Variants in SEZ6L observed in about 807,000 individuals in gnomAD.
The protein encoded by SEZ6L is seizure 6-like protein.
A neutral mutation model predicts 106.2 loss-of-function variants in SEZ6L; 37 were observed. The observed-to-expected ratio is 0.35, with a 90% confidence interval of 0.27 to 0.46. SEZ6L has a LOEUF of 0.46. Among genes scored for constraint, SEZ6L ranks in the 20% least tolerant of loss-of-function variants. SEZ6L has a pLI of 1.00. For synonymous variants in SEZ6L, 541 were observed against 570.4 expected (o/e 0.95, Z 0.73); for missense variants, 1,172 against 1,332.8 (o/e 0.88, Z 1.88).
Position 26,169,818 on chromosome 22 carries a change from G to A in SEZ6L, c.94+55G>A, listed in dbSNP as rs988767753. On this transcript the variant is annotated intron_variant, in intron 1 of 16. Transcript: ENST00000248933. ...GGGGCAAAGTTGCCGGGAGAGCGGG[G>A]CAGCCAGGGGTCGGGGCTGACCAGG... The A allele has an allele frequency of 6.6e-6, 6 of 912,978 alleles. No individual in the cohort carries two copies. In the African/African-American group the frequency reaches 6.9e-5, roughly 10 times the overall value. The allele number at this position is 912,978 out of a possible 1,614,324, so 56.6% of individuals were successfully genotyped here.
In SEZ6L at chr22:26,240,320, C is replaced by T. The variant is rs563003856; in HGVS notation, c.95-52086C>T. Among the ~76,000 whole-genome samples, 3 of 152,216 alleles carry T rather than the reference C, an allele frequency of 2.0e-5. No individual in the cohort carries two copies. In the South Asian group the frequency reaches 6.2e-4, roughly 32 times the overall value. The stretch of plus-strand genomic sequence containing the variant: ...AGTCCCATTCATCAGGTACGTCCCA[C>T]ATTCAGGCACCCAAGTCCTGAAAAG... On this transcript the variant is annotated intron_variant, in intron 1 of 16. Transcript: ENST00000248933.
chr22:26,373,388 C>A (rs893889693), intron 13 of SEZ6L, 63 bp from the exon 14 acceptor site: 1 of 1,506,696 alleles, frequency 6.6e-7, no homozygotes, highest in Non-Finnish European at 9.0e-7. Context: ...TTTTTGGCCT[C>A]ATTTCATGCA....
At chr22:26,193,821 G>A (rs1407844127) in intron 1 of SEZ6L, among the ~76,000 whole-genome samples, 2 of 152,172 alleles carry the variant, frequency 1.3e-5, no homozygotes, top group African/African-American at 2.4e-5. Context: ...TCATGGTGAC[G>A]TGTATGCAGT....
intron 12 of SEZ6L, among the ~76,000 whole-genome samples, chr22:26,353,786 C>T (rs989408225): frequency 6.6e-6 from 1 of 151,992 alleles, no homozygotes; most frequent in South Asian, 2.1e-4. Context: ...GCGTCTTTGA[C>T]ATCCTAACCC....
intron 1 of SEZ6L, among the ~76,000 whole-genome samples, chr22:26,225,859 C>T (rs2078619835): frequency 6.6e-6 from 1 of 152,140 alleles, no homozygotes; most frequent in African/African-American, 2.4e-5. Context: ...ACTCAAGATT[C>T]CCCCCATGCC....
intron 15 of SEZ6L, 62 bp downstream of exon 15, chr22:26,375,751 G>A: frequency 7.6e-7 from 1 of 1,307,576 alleles, no homozygotes. Context: ...AGAGGGACTG[G>A]GCGGTTCACC....
At chr22:26,222,842 G>T (rs369799568) in intron 1 of SEZ6L, among the ~76,000 whole-genome samples, 20 of 152,128 alleles carry the variant, frequency 1.3e-4, no homozygotes, top group African/African-American at 4.8e-4. Flanking sequence ...TTCTTAACCA[G>T]GGGCAATTTT....
At chr22:26,315,207 C>T (rs558225412) in intron 9 of SEZ6L, among the ~76,000 whole-genome samples, 4 of 152,242 alleles carry the variant, frequency 2.6e-5, no homozygotes, top group South Asian at 4.1e-4. Flanking sequence ...AGTCTGGGTG[C>T]GGTGGCTCAT....
rs777971751 is a variant in SEZ6L, at chr22:26,365,372, C to T, written c.2600C>T (p.Ser867Leu). 14 of 1,592,322 alleles carry T rather than the reference C, an allele frequency of 8.8e-6. No homozygotes were observed. The highest frequency in any genetic ancestry group is 5.4e-5 in the African/African-American group (4 of 74,310). Residue 867 changes from serine (S) to leucine (L), a missense_variant and splice_region_variant, in exon 13 of 17, where the codon TCG becomes TTG. Around this residue, in one of 4 missense-constraint regions of SEZ6L, gnomAD observed 534 missense variants for 691.0 expected, o/e 0.77. Coordinates refer to ENST00000248933, the MANE Select transcript of SEZ6L (RefSeq NM_021115.5). The stretch of plus-strand genomic sequence containing the variant: ...GAGCTCCTTCTGGCTTGCATTTCAG[C>T]GGAGGAGTCCCTGGCATGTGACAAC... ...IWTSRLPHCV[S>L]EESLACDNPG...
intron 1 of SEZ6L, among the ~76,000 whole-genome samples, chr22:26,236,773 T>A (rs2078969478): frequency 6.6e-6 from 1 of 152,208 alleles, no homozygotes; most frequent in Admixed American, 6.5e-5. Flanking sequence ...TTTTTCTGGC[T>A]TAAAATCAAT....
chr22:26,227,070 A>G (rs773818201), intron 1 of SEZ6L, among the ~76,000 whole-genome samples: 2 of 152,174 alleles, frequency 1.3e-5, no homozygotes, highest in African/African-American at 4.8e-5. Context: ...TACAAGCTCC[A>G]TGAACATGTG....
chr22:26,335,456 T>C (rs1382745579), intron 9 of SEZ6L, among the ~76,000 whole-genome samples: 1 of 152,102 alleles, frequency 6.6e-6, no homozygotes, highest in Non-Finnish European at 1.5e-5. Flanking sequence ...GCATGGGAGG[T>C]AAGGGAATAG....
chr22:26,303,626 T>C (rs891816632), intron 5 of SEZ6L, among the ~76,000 whole-genome samples: 2 of 152,184 alleles, frequency 1.3e-5, no homozygotes, highest in African/African-American at 4.8e-5. Flanking sequence ...TGAACTTCTT[T>C]TTTCCTCTTT....
At chr22:26,321,185 C>T (rs2082143081) in intron 9 of SEZ6L, among the ~76,000 whole-genome samples, 1 of 152,198 alleles carries the variant, frequency 6.6e-6, no homozygotes. Flanking sequence ...CAAGCACATG[C>T]CTTGGGTTCT....
intron 1 of SEZ6L, chr22:26,242,926 C>G (rs1369209790): frequency 6.6e-6 from 1 of 152,188 alleles, no homozygotes; most frequent in Non-Finnish European, 1.5e-5. Context: ...TCTCACTCTT[C>G]TAGAGGCCAA....
At chr22:26,220,150 G>C (rs1471334149) in intron 1 of SEZ6L, among the ~76,000 whole-genome samples, 1 of 152,104 alleles carries the variant, frequency 6.6e-6, no homozygotes, top group Non-Finnish European at 1.5e-5. Context: ...GAGACCCCAG[G>C]CAAGCGGCTC....
At chr22:26,332,667 T>G (rs1263763570) in intron 9 of SEZ6L, among the ~76,000 whole-genome samples, 1 of 152,192 alleles carries the variant, frequency 6.6e-6, no homozygotes, top group African/African-American at 2.4e-5. Context: ...AGGCAGGTCT[T>G]GAACTCCTGA....
intron 1 of SEZ6L, among the ~76,000 whole-genome samples, chr22:26,187,283 G>T (rs1939844770): frequency 6.6e-6 from 1 of 152,222 alleles, no homozygotes; most frequent in Non-Finnish European, 1.5e-5. Flanking sequence ...CAGGCCTTGT[G>T]AGAACTCACT....
intron 6 of SEZ6L, among the ~76,000 whole-genome samples, chr22:26,308,782 T>G (rs1412313112): frequency 3.3e-5 from 5 of 152,202 alleles, no homozygotes; most frequent in Non-Finnish European, 7.3e-5. Flanking sequence ...AAAATATGGT[T>G]AGAAAATTGT....
Sources: allele counts gnomAD v4.1 joint callset (sites outside exome capture counted in the v4.1 genomes callset), GRCh38; gene constraint gnomAD v4.1.1; regional missense constraint gnomAD v4.1.1; transcripts MANE v1.5; gene names NCBI Gene and HGNC (gene_info 2026-07-23, HGNC 2026-07-21).